The following RHOT2 variants were observed in gnomAD, a reference collection of about 807,000 sequenced individuals.
The protein encoded by RHOT2 is mitochondrial Rho GTPase 2.
RHOT2 carries 90 observed loss-of-function variants against 81.6 expected under a neutral mutation model. The ratio of observed to expected loss-of-function variants is 1.10; its 90% CI spans 0.93 to 1.31. The LOEUF (loss-of-function observed/expected upper bound fraction) is 1.31. Among genes scored for constraint, RHOT2 ranks in the 40% most tolerant of loss-of-function variants. The pLI, the probability that RHOT2 is intolerant of heterozygous loss-of-function variation, is 0.00. For synonymous variants in RHOT2, 512 were observed against 370.9 expected, an observed-to-expected ratio of 1.38 and a Z score of -4.37; for missense variants, 1,014 against 841.9, an observed-to-expected ratio of 1.20 and a Z score of -2.53.
intron 5 of RHOT2, 133 bp from the exon 6 acceptor site, chr16:669,990 C>A: frequency 2.5e-6 from 2 of 788,034 alleles, no homozygotes; most frequent in Non-Finnish European, 4.0e-6. Context: ...CAGCTTTGTT[C>A]CTGTGGCCGG....
rs758146043 is a variant in RHOT2, at chr16:672,433, C to A, written c.1326+49C>A. On this transcript the variant is annotated intron_variant, in intron 15 of 18. Transcript: ENST00000315082. ...CACCCCAGGGGCTCCAGGGGCAGGG[C>A]AGGGCAATCTGGGGGGCACTGCAGC... 3.7e-6 allele frequency: 6 copies of A among 1,609,506 alleles called. No homozygotes were observed. In the South Asian group the frequency reaches 5.5e-5, roughly 15 times the overall value.
In RHOT2 at chr16:670,879, C is replaced by T; in HGVS notation, c.640-13C>T. The T allele has an allele frequency of 1.9e-6, 3 of 1,579,950 alleles. No homozygotes were observed. Among genetic ancestry groups the T allele is most frequent in the East Asian group, 4.5e-5 (2 of 44,274 alleles). On this transcript the variant is annotated splice_polypyrimidine_tract_variant and intron_variant, in intron 9 of 18. Coordinates refer to ENST00000315082, the MANE Select transcript of RHOT2 (RefSeq NM_138769.3). The stretch of plus-strand genomic sequence containing the variant: ...TGGCTGGCTGACTCCCAACAACGTT[C>T]TCTCGGAAGCAGAAATCCTGCTTTG...
chr16:671,417 G>A, intron 11 of RHOT2: 1 of 703,230 alleles, frequency 1.4e-6, no homozygotes, highest in Non-Finnish European at 2.3e-6. Context: ...GGGGGGTGGG[G>A]GGGCTGGCCC....
Position 672,522 on chromosome 16 carries a change from G to A in RHOT2, c.1360G>A (p.Ala454Thr), listed in dbSNP as rs142157910. The A allele has an allele frequency of 8.4e-5, 135 of 1,612,630 alleles. No individual in the cohort carries two copies. The highest frequency in any genetic ancestry group is 7.2e-4 in the African/African-American group (54 of 75,056). The change falls in exon 16 of 19, where the codon GCC (alanine) becomes ACC (threonine). Residue 454 changes from alanine (A) to threonine (T), a missense_variant. Coordinates refer to ENST00000315082, the MANE Select transcript of RHOT2 (RefSeq NM_138769.3). ...CACGAGGGAGCAGCCTCCCGGCTAC[G>A]CCATCGACACGGTGCAGGTCAATGG... ...QDTREQPPGY[A>T]IDTVQVNGQE...
At chr16:671,810 G>GGCCCCGCCCCCCCCCC in intron 12 of RHOT2, 29 bp downstream of exon 12, 1 of 1,586,236 alleles carries the variant, frequency 6.3e-7, no homozygotes, top group Non-Finnish European at 8.6e-7. Flanking sequence ...CCCTGCCCCT[G>GGCCCCGCCCCCCCCCC]CCCCCGCCCC....
At position 673,736 on chromosome 16, in the gene RHOT2, T is replaced by G; in HGVS notation, c.*130T>G. ...ACGCCTTTGCGCCGGGACTTTTTGT[T>G]TCTGAAGGCAGTCGATCTGCAGCGG... On this transcript the variant is annotated 3_prime_UTR_variant, in exon 19 of 19. Coordinates refer to ENST00000315082, the MANE Select transcript of RHOT2 (RefSeq NM_138769.3). 8.4e-7 allele frequency: 1 copy of G among 1,185,186 alleles called. No individual in the cohort carries two copies. The highest frequency in any genetic ancestry group is 1.2e-6 in the Non-Finnish European group (1 of 850,622). 73.4% of individuals were successfully genotyped at this position (1,185,186 alleles called of 1,614,324 possible).
chr16:670,620 C>A, intron 8 of RHOT2, 55 bp from the exon 9 acceptor site: 1 of 1,601,472 alleles, frequency 6.2e-7, no homozygotes, highest in South Asian at 1.1e-5. Flanking sequence ...CTGGGTGGGG[C>A]GGTGTGGCAG....
rs765342457 is a variant in RHOT2, at chr16:670,764, C to A, written c.630C>A (p.Asn210Lys). 6.2e-7 allele frequency: 1 copy of A among 1,612,030 alleles called. No individual in the cohort carries two copies. The highest frequency in any genetic ancestry group is 8.5e-7 in the Non-Finnish European group (1 of 1,179,920). The change falls in exon 9 of 19, where the codon AAC becomes AAA. Residue 210 changes from asparagine to lysine, a missense_variant. Coordinates refer to ENST00000315082, the MANE Select transcript of RHOT2 (RefSeq NM_138769.3). ...LDQALSDEELNAFQKSCFGHP... is the reference protein window; with the variant it reads ...LDQALSDEELKAFQKSCFGHP... Reference sequence around the variant, plus strand: ...AGGCGCTCAGTGACGAAGAGCTCAACGCTTTCCAGGTGTGCCCCTGCCCCA... The same window carrying A: ...AGGCGCTCAGTGACGAAGAGCTCAAAGCTTTCCAGGTGTGCCCCTGCCCCA...
intron 5 of RHOT2, 61 bp downstream of exon 5, chr16:669,667 A>C: frequency 1.9e-6 from 3 of 1,547,548 alleles, no homozygotes; most frequent in Non-Finnish European, 2.7e-6. Flanking sequence ...GCCCAGGTGG[A>C]CCTTCACCCA....
Position 673,000 on chromosome 16 carries a change from G to A in RHOT2, c.1600G>A (p.Val534Met), listed in dbSNP as rs764329068. ...SKADLPEGVA[V>M]SGPSPAEFCR... is the part of the protein sequence containing the mutation. ...GGCCGACCTGCCCGAAGGTGTCGCG[G>A]TGTCTGGCCCATCACCGGCCGAGTT... is the stretch of plus-strand genomic sequence containing the variant. The change falls in exon 18 of 19, where the codon GTG (valine) becomes ATG (methionine). Residue 534 changes from valine to methionine, a missense_variant. Transcript: ENST00000315082. 1 of 1,612,668 alleles carries A rather than the reference G, an allele frequency of 6.2e-7. No individual in the cohort carries two copies. The highest frequency in any genetic ancestry group is 2.2e-5 in the East Asian group (1 of 44,864).
Position 671,883 on chromosome 16 carries a change from C to T in RHOT2, c.978C>T (p.Pro326=), listed in dbSNP as rs142264676. 262 of 1,612,010 alleles carry T rather than the reference C, an allele frequency of 1.6e-4. No individual in the cohort carries two copies. The highest frequency in any genetic ancestry group is 2.0e-4 in the Non-Finnish European group (235 of 1,179,712). The change falls in exon 13 of 19, where the codon CCC becomes CCT. Residue 326 remains proline (P), a synonymous_variant. Transcript: ENST00000315082. ...HDQDRDGALS[P]VELQSLFSVF... The stretch of plus-strand genomic sequence containing the variant: ...AGGACCGCGACGGCGCCCTCTCGCC[C>T]GTGGAGCTGCAAAGCCTTTTCAGTG...
At chr16:670,385 C>A in intron 7 of RHOT2, 28 bp downstream of exon 7, 1 of 1,611,180 alleles carries the variant, frequency 6.2e-7, no homozygotes, top group South Asian at 1.1e-5. Context: ...AGGGCCGCCT[C>A]CTTCATTCCT....
In RHOT2 at chr16:669,561, GGTGT is replaced by G. The variant is rs750093196; in HGVS notation, c.237_240del (p.Cys79TrpfsTer22). The G allele has an allele frequency of 3.6e-5, 58 of 1,611,698 alleles. No individual in the cohort carries two copies. The highest frequency in any genetic ancestry group is 4.7e-5 in the Non-Finnish European group (55 of 1,179,702). On this transcript the variant is annotated frameshift_variant, in exon 5 of 19. Coordinates refer to ENST00000315082, the MANE Select transcript of RHOT2 (RefSeq NM_138769.3). LOFTEE classifies it high-confidence loss of function. The stretch of plus-strand genomic sequence containing the variant: ...CATCACTGTTCCCTCAGGCAAACGT[GGTGT>G]GTGTGGTGTATGACGTCTCTGAGGA...
Position 672,288 on chromosome 16 carries a change from A to G in RHOT2, c.1230A>G (p.Gly410=), listed in dbSNP as rs138164898. 0.03 allele frequency: 48,118 copies of G among 1,612,132 alleles called. 761 individuals are homozygous for G. The highest frequency in any genetic ancestry group is 0.033 in the South Asian group (3,028 of 91,022). The part of the protein sequence containing the change: ...TREKRLDQEK[G]QTQRSVLLCK... ...AGAAGAGGCTGGACCAGGAGAAGGG[A>G]CAGACGCAGCGGAGCGTCCTCCTGT... Residue 410 remains glycine, a synonymous_variant, in exon 15 of 19, where the codon GGA becomes GGG. Coordinates refer to ENST00000315082, the MANE Select transcript of RHOT2 (RefSeq NM_138769.3).
intron 4 of RHOT2, chr16:669,123 C>A: frequency 2.6e-6 from 1 of 382,024 alleles, no homozygotes; most frequent in Non-Finnish European, 4.8e-6. Flanking sequence ...CTGCTGTTGG[C>A]ACCCCTCACT....
chr16:672,128 G>C lies in RHOT2; in HGVS notation c.1142G>C (p.Gly381Ala), dbSNP rs1192262070. Residue 381 changes from glycine (G) to alanine (A), a missense_variant, in exon 14 of 19, where the codon GGC becomes GCC. Coordinates refer to ENST00000315082, the MANE Select transcript of RHOT2 (RefSeq NM_138769.3). ...GTCCGGAGCTGCCTTGGACACCTAG[G>C]CTACCTGGGCTACCCCACCCTCTGT... ...LDVRSCLGHL[G>A]YLGYPTLCEQ... 6.2e-7 allele frequency: 1 copy of C among 1,612,662 alleles called. No homozygotes were observed. Among genetic ancestry groups the C allele is most frequent in the Admixed American group, 1.7e-5 (1 of 60,014 alleles).
At position 673,544 on chromosome 16, in the gene RHOT2, G is replaced by A. The variant is rs143816083; in HGVS notation, c.1795G>A (p.Gly599Arg). Residue 599 changes from glycine to arginine, a missense_variant, in exon 19 of 19, where the codon GGG (glycine) becomes AGG (arginine). Gly to Arg is a moderately radical substitution (Grantham distance 125, BLOSUM62 -2). Coordinates refer to ENST00000315082, the MANE Select transcript of RHOT2 (RefSeq NM_138769.3). ...GCTCCGGGGGCTGCTGGGGGTTGTCGGGGCCGCCGTGGCCGCAGTCCTCAG... is the reference window on the plus strand; with the variant it reads ...GCTCCGGGGGCTGCTGGGGGTTGTCAGGGCCGCCGTGGCCGCAGTCCTCAG... ...FWLRGLLGVV[G>R]AAVAAVLSFS... 1.9e-5 allele frequency: 30 copies of A among 1,612,358 alleles called. 1 individual carries two copies. The highest frequency in any genetic ancestry group is 2.2e-5 in the Non-Finnish European group (26 of 1,179,904).
chr16:670,164 G>A lies in RHOT2; in HGVS notation c.318G>A (p.Thr106=), dbSNP rs757647300. Residue 106 remains threonine, a synonymous_variant, in exon 6 of 19, where the codon ACG becomes ACA. Transcript: ENST00000315082. ...TCCCACTGGTGAATGGGGGGACCAC[G>A]CAGGGGCCCAGGTAATGAGGGGATG... ...KWIPLVNGGT[T]QGPRVPIILV... 5 of 1,598,214 alleles carry A rather than the reference G, an allele frequency of 3.1e-6. No homozygotes were observed. The highest frequency in any genetic ancestry group is 2.2e-5 in the South Asian group (2 of 89,650).
rs1365103856 is a variant in RHOT2, at chr16:670,176, G to A, written c.329+1G>A. On this transcript the variant is annotated splice_donor_variant, in intron 6 of 18. Coordinates refer to ENST00000315082, the MANE Select transcript of RHOT2 (RefSeq NM_138769.3). LOFTEE classifies it high-confidence loss of function. ...ATGGGGGGACCACGCAGGGGCCCAG[G>A]TAATGAGGGGATGTGGAAGGGGCTG... 4 of 1,606,772 alleles carry A rather than the reference G, an allele frequency of 2.5e-6. No individual in the cohort carries two copies. Among genetic ancestry groups the A allele is most frequent in the Non-Finnish European group, 3.4e-6 (4 of 1,177,138 alleles).
Sources: allele counts gnomAD v4.1 joint callset, GRCh38; gene constraint gnomAD v4.1.1; transcripts MANE v1.5; gene names NCBI Gene and HGNC (gene_info 2026-07-23, HGNC 2026-07-21).